The following GRID1 variants were observed in gnomAD, a reference collection of about 807,000 sequenced individuals.
GRID1 encodes glutamate ionotropic receptor delta type subunit 1.
GRID1 carries 28 observed loss-of-function variants against 98.0 expected under a neutral mutation model. That is an observed-to-expected ratio of 0.29 (90% CI 0.21 to 0.39). The LOEUF is 0.39. GRID1 is among the 10% of genes least tolerant of loss of function. The pLI, the probability that GRID1 is intolerant of heterozygous loss-of-function variation, is 1.00. For synonymous variants in GRID1, 553 were observed against 538.5 expected (o/e 1.03, Z -0.37); for missense variants, 1,111 against 1,340.5 (o/e 0.83, Z 2.67).
intron 3 of GRID1, among the ~76,000 whole-genome samples, chr10:86,157,094 G>A (rs1845256006): frequency 6.6e-6 from 1 of 152,180 alleles, no homozygotes; most frequent in Non-Finnish European, 1.5e-5. Flanking sequence ...CTGGAAGCCT[G>A]AAGGTGGCAA....
rs182804939 is a variant in GRID1 at position 85,822,603 on chromosome 10, G to T, written c.1233+31893C>A. Among the ~76,000 whole-genome samples the T allele has an allele frequency of 6.8e-3, 1,038 of 152,300 alleles. 16 individuals carry two copies. Among genetic ancestry groups the T allele is most frequent in the African/African-American group, 0.023 (951 of 41,542 alleles). On this transcript the variant is annotated intron_variant, in intron 8 of 15. Transcript: ENST00000327946. ...ACACCATTGGTGGGACTGTAAACTAGTTCAACCATTGTGGAAGTCGGTGTG... is the reference window on the plus strand; with the variant it reads ...ACACCATTGGTGGGACTGTAAACTATTTCAACCATTGTGGAAGTCGGTGTG...
intron 8 of GRID1, among the ~76,000 whole-genome samples, chr10:85,837,341 C>T (rs1340165375): frequency 6.6e-6 from 1 of 152,230 alleles, no homozygotes; most frequent in East Asian, 1.9e-4. Context: ...CTCCTACTAC[C>T]AGCTGCCTTG....
At chr10:85,866,393 G>T (rs1420817486) in intron 6 of GRID1, among the ~76,000 whole-genome samples, 1 of 150,006 alleles carries the variant, frequency 6.7e-6, no homozygotes, top group African/African-American at 2.4e-5. Flanking sequence ...ATGATAATAG[G>T]TTAAGTATCC....
At chr10:85,743,116 C>CCCCG (rs1554828608) in intron 8 of GRID1, among the ~76,000 whole-genome samples, 8 of 134,640 alleles carry the variant, frequency 5.9e-5, no homozygotes, top group Non-Finnish European at 1.3e-4. Context: ...CCCCCCCCCC[C>CCCCG]ACCACCCATT....
At chr10:85,729,742 G>T in intron 8 of GRID1, 128 bp from the exon 9 acceptor site, 1 of 590,098 alleles carries the variant, frequency 1.7e-6, no homozygotes, top group Non-Finnish European at 3.1e-6. Flanking sequence ...AGTTCCCAGA[G>T]ACCCAGAGCC....
At position 85,933,011 on chromosome 10, in the gene GRID1, G is replaced by A. The variant is rs116679516; in HGVS notation, c.727-16772C>T. Among the ~76,000 whole-genome samples the A allele has an allele frequency of 2.5e-3, 377 of 152,328 alleles. 3 individuals are homozygous for A. The highest frequency in any genetic ancestry group is 8.7e-3 in the African/African-American group (360 of 41,562). On this transcript the variant is annotated intron_variant, in intron 4 of 15. Transcript: ENST00000327946. ...ATGTGTTAGAAACTTAATTCCCAATGCAACAGAGTTGAGAGTGGGGTCTAA... is the reference window on the plus strand; with the variant it reads ...ATGTGTTAGAAACTTAATTCCCAATACAACAGAGTTGAGAGTGGGGTCTAA...
chr10:85,815,980 G>T (rs1270230397), intron 8 of GRID1, among the ~76,000 whole-genome samples: 1 of 151,664 alleles, frequency 6.6e-6, no homozygotes, highest in Non-Finnish European at 1.5e-5. Context: ...TATTAGAATG[G>T]CTAAATTTAA....
intron 2 of GRID1, among the ~76,000 whole-genome samples, chr10:86,292,972 C>A (rs1847537609): frequency 6.6e-6 from 1 of 152,066 alleles, no homozygotes; most frequent in Admixed American, 6.6e-5. Flanking sequence ...AGAAAGCCAA[C>A]TGGGCCTGGA....
At chr10:85,804,178 C>T (rs1289731739) in intron 8 of GRID1, among the ~76,000 whole-genome samples, 2 of 150,686 alleles carry the variant, frequency 1.3e-5, no homozygotes, top group African/African-American at 4.9e-5. Context: ...CATAAATTAC[C>T]CATCTAGGGA....
chr10:86,242,029 T>C (rs1846644531), intron 2 of GRID1, among the ~76,000 whole-genome samples: 1 of 152,240 alleles, frequency 6.6e-6, no homozygotes, highest in African/African-American at 2.4e-5. Context: ...GCAGATGGCT[T>C]GTAATAATGT....
At chr10:86,292,617 C>A (rs963069261) in intron 2 of GRID1, among the ~76,000 whole-genome samples, 6 of 152,224 alleles carry the variant, frequency 3.9e-5, no homozygotes, top group Non-Finnish European at 7.3e-5. Context: ...CTGCCTTCCT[C>A]CCTCTCTTCA....
At chr10:85,671,545 AT>A (rs1395208066) in intron 12 of GRID1, among the ~76,000 whole-genome samples, 2 of 151,276 alleles carry the variant, frequency 1.3e-5, no homozygotes, top group East Asian at 3.9e-4. Context: ...CCGTTCCCTC[AT>A]CTCTCTCTCT....
chr10:86,268,020 A>G (rs1847130084), intron 2 of GRID1, among the ~76,000 whole-genome samples: 1 of 152,106 alleles, frequency 6.6e-6, no homozygotes, highest in South Asian at 2.1e-4. Context: ...TGTGTCATGC[A>G]CAGTCATCTT....
intron 2 of GRID1, among the ~76,000 whole-genome samples, chr10:86,226,047 C>T (rs1334144790): frequency 1.3e-5 from 2 of 151,988 alleles, no homozygotes; most frequent in Admixed American, 1.3e-4. Flanking sequence ...CAAGACCCTG[C>T]AGGTGGACAG....
chr10:86,352,481 T>A (rs1417195394), intron 2 of GRID1, among the ~76,000 whole-genome samples: 1 of 152,132 alleles, frequency 6.6e-6, no homozygotes, highest in Non-Finnish European at 1.5e-5. Context: ...CATGGTTGGT[T>A]CCTGATGAGG....
chr10:86,167,165 T>A (rs1845411333), intron 3 of GRID1, among the ~76,000 whole-genome samples: 1 of 152,194 alleles, frequency 6.6e-6, no homozygotes, highest in South Asian at 2.1e-4. Flanking sequence ...CTGAGAGCAC[T>A]GATCTATTGG....
chr10:85,928,713 T>A (rs1841809813), intron 4 of GRID1, among the ~76,000 whole-genome samples: 1 of 152,186 alleles, frequency 6.6e-6, no homozygotes, highest in Admixed American at 6.5e-5. Context: ...ACACCTACAT[T>A]CCCTGTACTG....
At chr10:86,315,469 T>G (rs1475757386) in intron 2 of GRID1, among the ~76,000 whole-genome samples, 1 of 152,184 alleles carries the variant, frequency 6.6e-6, no homozygotes, top group Non-Finnish European at 1.5e-5. Context: ...AGTCCAGGGC[T>G]GGGGAACTCC....
intron 4 of GRID1, among the ~76,000 whole-genome samples, chr10:85,998,309 T>C (rs1388309070): frequency 6.6e-6 from 1 of 152,082 alleles, no homozygotes; most frequent in Non-Finnish European, 1.5e-5. Context: ...CTGACAATAA[T>C]GGAATTAAAT....
Sources: allele counts gnomAD v4.1 joint callset (sites outside exome capture counted in the v4.1 genomes callset), GRCh38; gene constraint gnomAD v4.1.1; transcripts MANE v1.5; gene names NCBI Gene and HGNC (gene_info 2026-07-23, HGNC 2026-07-21).